COX7B2: variants seen among roughly 807,000 people sequenced by gnomAD.
COX7B2 encodes cytochrome c oxidase subunit 7B2, mitochondrial.
For synonymous variants in COX7B2, 37 were observed against 32.1 expected (o/e 1.15, Z -0.51); for missense variants, 109 against 95.9 (o/e 1.14, Z -0.57).
At chr4:46,848,621 CACTT>C (rs1383402629) in intron 1 of COX7B2, among the ~76,000 whole-genome samples, 2 of 152,014 alleles carry the variant, frequency 1.3e-5, no homozygotes, top group African/African-American at 2.4e-5. Context: ...ATTTATTGAG[CACTT>C]ACTTAGTTAC....
chr4:46,820,851 A>G (rs1421821563), intron 2 of COX7B2, among the ~76,000 whole-genome samples: 1 of 148,654 alleles, frequency 6.7e-6, no homozygotes, highest in Non-Finnish European at 1.5e-5. Flanking sequence ...ATATATATAT[A>G]TAGATAGATA....
At chr4:46,821,660 A>G (rs1394978182) in intron 2 of COX7B2, among the ~76,000 whole-genome samples, 1 of 152,228 alleles carries the variant, frequency 6.6e-6, no homozygotes, top group African/African-American at 2.4e-5. Flanking sequence ...AAAGAGTGTA[A>G]ACAGTATAAA....
At chr4:46,866,778 TTACAA>T (rs1426981456) in intron 1 of COX7B2, among the ~76,000 whole-genome samples, 1 of 152,052 alleles carries the variant, frequency 6.6e-6, no homozygotes, top group African/African-American at 2.4e-5. Flanking sequence ...TACAACACTA[TTACAA>T]ATGTAATAGT....
At position 46,735,046 on chromosome 4, in the gene COX7B2, G is replaced by A. The variant is rs766165008; in HGVS notation, c.147C>T (p.Phe49=). ...CTGTAAACACCCATGTAGCAACACA[G>A]AAAGCAGTTCCACTGGCTAGCACAG... is the stretch of plus-strand genomic sequence containing the variant. ...GNAVLASGTA[F]CVATWVFTAT... is the part of the protein sequence containing the mutation. Residue 49 remains phenylalanine, a synonymous_variant, in exon 3 of 3, where the codon TTC becomes TTT. Transcript: ENST00000355591. 6.2e-7 allele frequency: 1 copy of A among 1,614,080 alleles called. No homozygotes were observed. The highest frequency in any genetic ancestry group is 2.2e-5 in the East Asian group (1 of 44,862).
chr4:46,891,569 G>A (rs1719432000), intron 1 of COX7B2, among the ~76,000 whole-genome samples: 1 of 152,134 alleles, frequency 6.6e-6, no homozygotes, highest in African/African-American at 2.4e-5. Flanking sequence ...TCTTGTTTCT[G>A]ATCTCAGAGC....
chr4:46,870,393 AAGTTGGAAACAT>A (rs1717914158), intron 1 of COX7B2, among the ~76,000 whole-genome samples: 1 of 152,154 alleles, frequency 6.6e-6, no homozygotes, highest in Non-Finnish European at 1.5e-5. Flanking sequence ...GAATGAGCAA[AAGTTGGAAACAT>A]TCCTTTTGAA....
intron 2 of COX7B2, among the ~76,000 whole-genome samples, chr4:46,760,667 C>G (rs555999888): frequency 6.6e-5 from 10 of 152,028 alleles, no homozygotes; most frequent in Admixed American, 5.3e-4. Flanking sequence ...CGTAACAAAC[C>G]TGCACGTTCT....
chr4:46,770,594 A>G (rs767534673), intron 2 of COX7B2, among the ~76,000 whole-genome samples: 98 of 152,148 alleles, frequency 6.4e-4, no homozygotes, highest in Non-Finnish European at 1.2e-3. Flanking sequence ...TCTACTAATC[A>G]AAATAGTATG....
At chr4:46,757,401 C>T (rs567875401) in intron 2 of COX7B2, among the ~76,000 whole-genome samples, 2 of 152,062 alleles carry the variant, frequency 1.3e-5, no homozygotes, top group African/African-American at 4.8e-5. Context: ...AAAGCCCAGA[C>T]TATCATTATG....
intron 1 of COX7B2, among the ~76,000 whole-genome samples, chr4:46,859,158 T>C (rs2109796392): frequency 6.6e-6 from 1 of 152,358 alleles, no homozygotes; most frequent in East Asian, 1.9e-4. Flanking sequence ...GAAAATGTCG[T>C]GTCTCACAAG....
At chr4:46,740,435 A>T (rs1037458011) in intron 2 of COX7B2, among the ~76,000 whole-genome samples, 4 of 152,110 alleles carry the variant, frequency 2.6e-5, no homozygotes, top group African/African-American at 9.7e-5. Flanking sequence ...AATGAAGATC[A>T]ATTCAGTTTC....
intron 2 of COX7B2, among the ~76,000 whole-genome samples, chr4:46,825,371 C>T (rs1022471634): frequency 6.6e-6 from 1 of 151,878 alleles, no homozygotes; most frequent in African/African-American, 2.4e-5. Context: ...CACTGCTCAA[C>T]TAAATCATAA....
chr4:46,766,576 C>A, intron 2 of COX7B2, among the ~76,000 whole-genome samples: 1 of 152,144 alleles, frequency 6.6e-6, no homozygotes, highest in South Asian at 2.1e-4. Flanking sequence ...GTGGCACATG[C>A]CTGTAATCCC....
intron 1 of COX7B2, among the ~76,000 whole-genome samples, chr4:46,872,239 C>T (rs968257860): frequency 3.9e-5 from 6 of 152,116 alleles, no homozygotes; most frequent in African/African-American, 1.2e-4. Flanking sequence ...CCAAATACTA[C>T]ATGTTATCAC....
chr4:46,789,922 TA>T (rs1376898987), intron 2 of COX7B2, among the ~76,000 whole-genome samples: 3 of 151,860 alleles, frequency 2.0e-5, no homozygotes, highest in African/African-American at 7.3e-5. Flanking sequence ...AAAAACATAA[TA>T]AAAGTGAGAC....
intron 1 of COX7B2, among the ~76,000 whole-genome samples, chr4:46,882,804 TTTTA>T (rs1286808285): frequency 6.6e-6 from 1 of 152,214 alleles, no homozygotes; most frequent in African/African-American, 2.4e-5. Context: ...CACTGTGATG[TTTTA>T]TTTATTAAAT....
At chr4:46,765,324 C>CA (rs1553881898) in intron 2 of COX7B2, among the ~76,000 whole-genome samples, 1 of 151,820 alleles carries the variant, frequency 6.6e-6, no homozygotes, top group African/African-American at 2.4e-5. Flanking sequence ...CCATTGCAGG[C>CA]GTAAGGAGAG....
At position 46,768,997 on chromosome 4, in the gene COX7B2, C is replaced by G. The variant is rs140637272; in HGVS notation, c.-49-33756G>C. Among the ~76,000 whole-genome samples the G allele has an allele frequency of 6.2e-4, 95 of 152,066 alleles. 1 individual carries two copies. The East Asian group carries it at 0.017, about 28-fold the overall frequency. On this transcript the variant is annotated intron_variant, in intron 2 of 2. Transcript: ENST00000355591. ...CCTAGAAATATACATGATATCAATA[C>G]TGAATTATGAAGAAACAGAAAATCT...
intron 2 of COX7B2, among the ~76,000 whole-genome samples, chr4:46,740,622 G>T (rs879769210): frequency 6.6e-6 from 1 of 151,992 alleles, no homozygotes; most frequent in Non-Finnish European, 1.5e-5. Flanking sequence ...ATTGTTAGGT[G>T]TAAAATGGAT....
Sources: allele counts gnomAD v4.1 joint callset (sites outside exome capture counted in the v4.1 genomes callset), GRCh38; gene constraint gnomAD v4.1.1; transcripts MANE v1.5; gene names NCBI Gene and HGNC (gene_info 2026-07-23, HGNC 2026-07-21).